Variants in VSTM2B observed in about 807,000 individuals in gnomAD.
VSTM2B encodes the protein V-set and transmembrane domain-containing protein 2B.
VSTM2B carries 24 observed loss-of-function variants against 24.0 expected under a neutral mutation model. The ratio of observed to expected loss-of-function variants is 1.00; its 90% CI spans 0.72 to 1.40. VSTM2B has a LOEUF of 1.40. Ranked by LOEUF, VSTM2B falls within the 40% of genes most tolerant of loss-of-function variation. The pLI, the probability that VSTM2B is intolerant of heterozygous loss-of-function variation, is 0.00. For synonymous variants in VSTM2B, 226 were observed against 194.4 expected, an observed-to-expected ratio of 1.16 and a Z score of -1.35; for missense variants, 399 against 416.4, an observed-to-expected ratio of 0.96 and a Z score of 0.36.
chr19:29,563,334 C>T (rs991092165), intron 4 of VSTM2B, among the ~76,000 whole-genome samples: 1 of 151,764 alleles, frequency 6.6e-6, no homozygotes, highest in African/African-American at 2.4e-5. Flanking sequence ...CTCTCTGCAG[C>T]CTCCAACTCT....
At chr19:29,552,770 C>T (rs1475942881) in intron 4 of VSTM2B, among the ~76,000 whole-genome samples, 1 of 152,200 alleles carries the variant, frequency 6.6e-6, no homozygotes, top group Non-Finnish European at 1.5e-5. Flanking sequence ...CTGCTTTTCC[C>T]CTGCCAGTAC....
At chr19:29,545,167 C>T (rs762722874) in intron 4 of VSTM2B, among the ~76,000 whole-genome samples, 12 of 151,814 alleles carry the variant, frequency 7.9e-5, no homozygotes, top group Non-Finnish European at 1.0e-4. Context: ...GGGAGGTCTC[C>T]GGGGGTCGGC....
At chr19:29,546,360 T>C (rs1970154835) in intron 4 of VSTM2B, among the ~76,000 whole-genome samples, 1 of 152,138 alleles carries the variant, frequency 6.6e-6, no homozygotes, top group African/African-American at 2.4e-5. Flanking sequence ...CTTGGACTCA[T>C]TCATAGGTAC....
chr19:29,551,528 G>A (rs536189281), intron 4 of VSTM2B, among the ~76,000 whole-genome samples: 15 of 152,210 alleles, frequency 9.9e-5, no homozygotes, highest in South Asian at 6.2e-4. Context: ...TGGCTCCAGC[G>A]TGTCTCTTAT....
chr19:29,558,434 A>G (rs949822957), intron 4 of VSTM2B, among the ~76,000 whole-genome samples: 1 of 152,220 alleles, frequency 6.6e-6, no homozygotes, highest in African/African-American at 2.4e-5. Flanking sequence ...AGCACTATTC[A>G]CAATAGCAAA....
At chr19:29,532,536 C>T (rs1277585289) in intron 4 of VSTM2B, among the ~76,000 whole-genome samples, 1 of 152,172 alleles carries the variant, frequency 6.6e-6, no homozygotes, top group Non-Finnish European at 1.5e-5. Context: ...CAGGCTGGGA[C>T]GTACCTCTAG....
intron 4 of VSTM2B, among the ~76,000 whole-genome samples, chr19:29,544,715 C>T (rs1263745187): frequency 6.6e-6 from 1 of 152,064 alleles, no homozygotes; most frequent in Non-Finnish European, 1.5e-5. Flanking sequence ...GTCACTCTTG[C>T]AGCCCTGGGC....
At chr19:29,555,825 C>A (rs1970393082) in intron 4 of VSTM2B, among the ~76,000 whole-genome samples, 1 of 152,104 alleles carries the variant, frequency 6.6e-6, no homozygotes, top group Non-Finnish European at 1.5e-5. Flanking sequence ...GAAAAAATTT[C>A]TGGATACATA....
intron 4 of VSTM2B, among the ~76,000 whole-genome samples, chr19:29,546,933 G>C (rs894270124): frequency 2.0e-5 from 3 of 152,204 alleles, no homozygotes; most frequent in Non-Finnish European, 4.4e-5. Context: ...CTTGCAAGTA[G>C]CCAGGGGCCA....
Position 29,528,427 on chromosome 19 carries a change from T to A in VSTM2B, c.268-6T>A. The A allele has an allele frequency of 6.4e-7, 1 of 1,551,206 alleles. No individual in the cohort carries two copies. The highest frequency in any genetic ancestry group is 8.7e-7 in the Non-Finnish European group (1 of 1,146,968). ...TCACGTCTCTCTCTCCCTCTTTGCA[T>A]TTTAGGTAACAAATAAGGATGCAAC... On this transcript the variant is annotated splice_region_variant and splice_polypyrimidine_tract_variant and intron_variant, in intron 2 of 4. Transcript: ENST00000335523.
intron 4 of VSTM2B, among the ~76,000 whole-genome samples, chr19:29,548,075 G>A (rs1018703450): frequency 1.3e-5 from 2 of 152,090 alleles, no homozygotes; most frequent in South Asian, 4.1e-4. Context: ...TGGGCATAGT[G>A]GAGGCCTGAA....
In VSTM2B at chr19:29,526,428, GC is replaced by G. The variant is rs757388621; in HGVS notation, c.-155del. The G allele has an allele frequency of 9.6e-5, 26 of 270,930 alleles. No individual in the cohort carries two copies. The highest frequency in any genetic ancestry group is 2.0e-5 in the Non-Finnish European group (3 of 152,278). The allele number at this position is 270,930 out of a possible 1,614,324, so 16.8% of individuals were successfully genotyped here. A position where few individuals can be genotyped will look rare whatever the true frequency, so the allele number is the denominator to read the frequency against. On this transcript the variant is annotated 5_prime_UTR_variant, in exon 1 of 5. Coordinates refer to ENST00000335523, the MANE Select transcript of VSTM2B (RefSeq NM_001146339.2). This position sits in a 1 kb window ranked among gnomAD's most constrained non-coding sequence, Gnocchi z 4.1. ...CCGGGCAAGCCGGCGAGGGAGCGGGGCTGATTGGCGGCCGCCGGCGGCCAGG... is the reference window on the plus strand; with the variant it reads ...CCGGGCAAGCCGGCGAGGGAGCGGGGTGATTGGCGGCCGCCGGCGGCCAGG...
chr19:29,534,986 A>T (rs1052414904), intron 4 of VSTM2B, among the ~76,000 whole-genome samples: 11 of 152,218 alleles, frequency 7.2e-5, no homozygotes, highest in Admixed American at 7.2e-4. Context: ...CCCATGCCAC[A>T]TGTGTACCTA....
chr19:29,546,335 C>G (rs1970154179), intron 4 of VSTM2B, among the ~76,000 whole-genome samples: 1 of 152,132 alleles, frequency 6.6e-6, no homozygotes, highest in South Asian at 2.1e-4. Context: ...AAAGGGCTTC[C>G]AGCTGGCTAA....
chr19:29,543,687 G>A (rs1011796279), intron 4 of VSTM2B, among the ~76,000 whole-genome samples: 1 of 152,216 alleles, frequency 6.6e-6, no homozygotes, highest in Non-Finnish European at 1.5e-5. Context: ...GCCTGACCCA[G>A]GAGATCCAAG....
intron 4 of VSTM2B, among the ~76,000 whole-genome samples, chr19:29,555,341 G>T (rs1194710527): frequency 6.6e-6 from 1 of 152,160 alleles, no homozygotes; most frequent in Non-Finnish European, 1.5e-5. Context: ...CAGAAATCAA[G>T]AAGTTATTTG....
intron 4 of VSTM2B, among the ~76,000 whole-genome samples, chr19:29,530,880 C>T (rs541084364): frequency 1.3e-5 from 2 of 152,184 alleles, no homozygotes; most frequent in African/African-American, 4.8e-5. Context: ...CGCAGATCCT[C>T]TCCCTTTGGC....
intron 3 of VSTM2B, among the ~76,000 whole-genome samples, chr19:29,528,690 C>T (rs1229101165): frequency 6.6e-6 from 1 of 152,246 alleles, no homozygotes; most frequent in African/African-American, 2.4e-5. Context: ...GCTTGAGTCC[C>T]CTAATTCGGC....
intron 4 of VSTM2B, among the ~76,000 whole-genome samples, chr19:29,553,549 C>T (rs900464834): frequency 2.6e-5 from 4 of 152,344 alleles, no homozygotes; most frequent in Admixed American, 1.3e-4. Flanking sequence ...TGCCTCTTCT[C>T]CTCCAAATGA....
Sources: gnomAD v4.1 joint callset for allele counts (sites outside exome capture counted in the v4.1 genomes callset) on GRCh38, gnomAD v4.1.1 for gene constraint, Gnocchi (gnomAD v3.1) non-coding constraint, MANE v1.5 for transcripts, NCBI Gene and HGNC (gene_info 2026-07-23, HGNC 2026-07-21) for gene names.